DIS3L2: variants seen among roughly 807,000 people sequenced by gnomAD.
DIS3L2 encodes the protein DIS3-like exonuclease 2.
DIS3L2 carries 34 observed loss-of-function variants against 97.5 expected under a neutral mutation model. That is an observed-to-expected ratio of 0.35 (90% confidence interval 0.27 to 0.46). The LOEUF (loss-of-function observed/expected upper bound fraction) is 0.46. Ranked by LOEUF, DIS3L2 falls within the 20% of genes least tolerant of loss-of-function variation. The probability of loss-of-function intolerance (pLI) is 1.00; values close to 1 mark genes in which losing one functional copy is unlikely to be tolerated. For missense variants in DIS3L2, 1,038 were observed against 1,146.0 expected (o/e 0.91, Z 1.36); for synonymous variants, 435 against 445.2 (o/e 0.98, Z 0.29).
chr2:232,082,748 G>A (rs899409799), intron 5 of DIS3L2, among the ~76,000 whole-genome samples: 14 of 152,144 alleles, frequency 9.2e-5, no homozygotes, highest in African/African-American at 3.4e-4. Flanking sequence ...AAAATCAGAC[G>A]TAGGTTAGTT....
intron 15 of DIS3L2, among the ~76,000 whole-genome samples, chr2:232,330,246 GT>G (rs1017709964): frequency 6.6e-6 from 1 of 152,244 alleles, no homozygotes; most frequent in Non-Finnish European, 1.5e-5. Context: ...GAGGGCAGGG[GT>G]CCTGTGGCCA....
intron 9 of DIS3L2, among the ~76,000 whole-genome samples, chr2:232,165,131 T>C (rs1690765979): frequency 6.6e-6 from 1 of 152,238 alleles, no homozygotes; most frequent in African/African-American, 2.4e-5. Flanking sequence ...AAGTTAAACA[T>C]TAAAGACACT....
intron 5 of DIS3L2, among the ~76,000 whole-genome samples, chr2:232,064,203 T>A (rs193223656): frequency 6.6e-6 from 1 of 152,278 alleles, no homozygotes; most frequent in Non-Finnish European, 1.5e-5. Context: ...TCCCGAAAAT[T>A]CCTTTGTATC....
At chr2:232,109,209 G>C (rs1446818512) in intron 6 of DIS3L2, among the ~76,000 whole-genome samples, 1 of 152,152 alleles carries the variant, frequency 6.6e-6, no homozygotes, top group African/African-American at 2.4e-5. Flanking sequence ...ACTTCGTGAG[G>C]CCAAGGCAGG....
At chr2:232,087,788 T>G in intron 6 of DIS3L2, 67 bp downstream of exon 6, 1 of 1,255,908 alleles carries the variant, frequency 8.0e-7, no homozygotes, top group South Asian at 1.3e-5. Context: ...ATTCCCTCTC[T>G]GCTGCAGAGT....
In DIS3L2 at chr2:232,281,049, A is replaced by G. The variant is rs769336679; in HGVS notation, c.1659+17609A>G. 2.0e-5 allele frequency among the ~76,000 whole-genome samples: 3 copies of G among 152,130 alleles called. No individual in the cohort carries two copies. The highest frequency in any genetic ancestry group is 2.9e-5 in the Non-Finnish European group (2 of 68,012). ...GGAAGGGCTCCCAGTGGTGGTGGGAAATGTTGGGGATGTAACCAGGGCTGA... is the reference window on the plus strand; with the variant it reads ...GGAAGGGCTCCCAGTGGTGGTGGGAGATGTTGGGGATGTAACCAGGGCTGA... On this transcript the variant is annotated intron_variant, in intron 13 of 20. Coordinates refer to ENST00000325385, the MANE Select transcript of DIS3L2 (RefSeq NM_152383.5). The surrounding 1 kb of genome is among the most constrained non-coding windows in gnomAD (Gnocchi z 4.1).
intron 8 of DIS3L2, among the ~76,000 whole-genome samples, chr2:232,161,382 C>T (rs891758194): frequency 6.6e-6 from 1 of 152,174 alleles, no homozygotes; most frequent in Non-Finnish European, 1.5e-5. Flanking sequence ...AAATTACCCT[C>T]CAACCACTAT....
rs891102381 is a variant in DIS3L2 at position 232,007,038 on chromosome 2, T to C, written c.-93-7797T>C. ...GAGTCCAGACCACATTTTTAAACTT[T>C]GGCAAGGATGGGAATGAGAGAAATG... is the stretch of plus-strand genomic sequence containing the variant. On this transcript the variant is annotated intron_variant, in intron 1 of 20. Coordinates refer to ENST00000325385, the MANE Select transcript of DIS3L2 (RefSeq NM_152383.5). Among the ~76,000 whole-genome samples the C allele has an allele frequency of 4.5e-4, 68 of 152,120 alleles. 1 individual carries two copies. Among genetic ancestry groups the C allele is most frequent in the Non-Finnish European group, 8.8e-4 (60 of 68,018 alleles).
intron 1 of DIS3L2, among the ~76,000 whole-genome samples, chr2:231,964,795 A>G (rs1464311785): frequency 6.6e-6 from 1 of 152,260 alleles, no homozygotes; most frequent in Non-Finnish European, 1.5e-5. Flanking sequence ...AAGCAATGAA[A>G]TGGACATTTG....
At chr2:232,235,690 C>T (rs1692913468) in intron 10 of DIS3L2, among the ~76,000 whole-genome samples, 1 of 152,156 alleles carries the variant, frequency 6.6e-6, no homozygotes, top group Non-Finnish European at 1.5e-5. Flanking sequence ...TCTCTTTTGT[C>T]CTTCAGTCAA....
chr2:232,047,156 G>T (rs1382516064), intron 5 of DIS3L2, among the ~76,000 whole-genome samples: 1 of 152,172 alleles, frequency 6.6e-6, no homozygotes, highest in African/African-American at 2.4e-5. Flanking sequence ...ACAGAATATT[G>T]CAAAGTTATT....
At chr2:232,165,490 T>C (rs1690775808) in intron 9 of DIS3L2, among the ~76,000 whole-genome samples, 1 of 152,164 alleles carries the variant, frequency 6.6e-6, no homozygotes, top group Non-Finnish European at 1.5e-5. Context: ...AAGTGAACTT[T>C]GACTTTTCAT....
intron 11 of DIS3L2, among the ~76,000 whole-genome samples, chr2:232,241,698 G>A (rs1693104174): frequency 6.6e-6 from 1 of 152,180 alleles, no homozygotes; most frequent in South Asian, 2.1e-4. Flanking sequence ...CTGCCCACCT[G>A]AATTTTGGTC....
At chr2:231,995,340 T>C (rs1292509232) in intron 1 of DIS3L2, among the ~76,000 whole-genome samples, 1 of 152,188 alleles carries the variant, frequency 6.6e-6, no homozygotes, top group Non-Finnish European at 1.5e-5. Flanking sequence ...TTTCTATGCT[T>C]GGGGTTCATT....
At chr2:232,181,938 C>T (rs1691290255) in intron 9 of DIS3L2, among the ~76,000 whole-genome samples, 1 of 152,156 alleles carries the variant, frequency 6.6e-6, no homozygotes. Context: ...AGGCGTGAGC[C>T]ACCGTGCCCG....
chr2:232,232,223 C>T (rs1692812697), intron 10 of DIS3L2, among the ~76,000 whole-genome samples: 1 of 151,666 alleles, frequency 6.6e-6, no homozygotes, highest in South Asian at 2.1e-4. Context: ...GAAACAAGAC[C>T]ATGGGATGGG....
chr2:232,110,901 A>G (rs1246395168), intron 6 of DIS3L2, among the ~76,000 whole-genome samples: 1 of 152,126 alleles, frequency 6.6e-6, no homozygotes, highest in African/African-American at 2.4e-5. Flanking sequence ...AAAAAAAAAA[A>G]AGAAAATGGT....
chr2:232,081,798 T>C (rs1182672719), intron 5 of DIS3L2, among the ~76,000 whole-genome samples: 1 of 152,192 alleles, frequency 6.6e-6, no homozygotes, highest in Non-Finnish European at 1.5e-5. Context: ...TTACTTTTTT[T>C]GTTTGTTTTG....
intron 1 of DIS3L2, among the ~76,000 whole-genome samples, chr2:231,996,470 A>G (rs1297700020): frequency 6.6e-6 from 1 of 152,192 alleles, no homozygotes; most frequent in African/African-American, 2.4e-5. Flanking sequence ...AAAGTAAGAG[A>G]AAGAATATAA....
Sources: gnomAD v4.1 joint callset for allele counts (sites outside exome capture counted in the v4.1 genomes callset) on GRCh38, gnomAD v4.1.1 for gene constraint, Gnocchi (gnomAD v3.1) non-coding constraint, MANE v1.5 for transcripts, NCBI Gene and HGNC (gene_info 2026-07-23, HGNC 2026-07-21) for gene names.